Variants in NCDN observed in about 807,000 individuals in gnomAD.
NCDN encodes norbin.
In NCDN, 9 loss-of-function variants were observed where a neutral mutation model predicts 60.7. That is an observed-to-expected ratio of 0.15 (90% confidence interval 0.09 to 0.26). NCDN has a LOEUF of 0.26. Among genes scored for constraint, NCDN ranks in the 10% least tolerant of loss-of-function variants. NCDN has a pLI of 1.00. For synonymous variants in NCDN, 409 were observed against 442.5 expected, an observed-to-expected ratio of 0.92 and a Z score of 0.95; for missense variants, 578 against 975.2, an observed-to-expected ratio of 0.59 and a Z score of 5.42.
In NCDN at chr1:35,561,265, A is replaced by G. The variant is rs750301464; in HGVS notation, c.1114A>G (p.Ile372Val). 4.4e-6 allele frequency: 7 copies of G among 1,604,456 alleles called. No homozygotes were observed. The highest frequency in any genetic ancestry group is 1.7e-4 in the Middle Eastern group (1 of 6,004). ...GCTCGTGAGCGTCATGAAGGAGGCC[A>G]TAGGGGCTGTTATCCACTACCTGCT... ...VQLVSVMKEA[I>V]GAVIHYLLQV... is the part of the protein sequence containing the mutation. Residue 372 changes from isoleucine to valine, a missense_variant, in exon 3 of 7, where the codon ATA becomes GTA. Ile to Val is a conservative substitution (Grantham distance 29, BLOSUM62 3). Transcript: ENST00000373243. This position sits in a 1 kb window ranked among gnomAD's most constrained non-coding sequence, Gnocchi z 4.9.
chr1:35,562,345 G>T lies in NCDN; in HGVS notation c.1144-47G>T, dbSNP rs761830692. The T allele has an allele frequency of 6.3e-7, 1 of 1,593,862 alleles. No individual in the cohort carries two copies. Among genetic ancestry groups the T allele is most frequent in the African/African-American group, 1.3e-5 (1 of 74,492 alleles). Reference sequence around the variant, plus strand: ...GCTGGCTGGCCTCTGGCAAGGCAGGGAGGGTCCCTGGTCCTGCTCCATCTC... The same window carrying T: ...GCTGGCTGGCCTCTGGCAAGGCAGGTAGGGTCCCTGGTCCTGCTCCATCTC... On this transcript the variant is annotated intron_variant, in intron 3 of 6. Transcript: ENST00000373243. This position sits in a 1 kb window ranked among gnomAD's most constrained non-coding sequence, Gnocchi z 6.8.
At chr1:35,564,580 A>T (rs1299383737) in intron 6 of NCDN, among the ~76,000 whole-genome samples, 1 of 152,180 alleles carries the variant, frequency 6.6e-6, no homozygotes, top group Non-Finnish European at 1.5e-5. Flanking sequence ...AGGGGTTCCC[A>T]GCAGGGTACC....
Position 35,561,328 on chromosome 1 carries a change from T to G in NCDN, c.1143+34T>G. 6.5e-7 allele frequency: 1 copy of G among 1,539,158 alleles called. No homozygotes were observed. Among genetic ancestry groups the G allele is most frequent in the Admixed American group, 1.9e-5 (1 of 53,688 alleles). On this transcript the variant is annotated intron_variant, in intron 3 of 6. Transcript: ENST00000373243. This position sits in a 1 kb window ranked among gnomAD's most constrained non-coding sequence, Gnocchi z 4.9. ...GCAGTGACCCACAGAGGGGGCCCAG[T>G]ATGGGGGGAGCCAGTGCTGGAGCTG...
rs1361268420 is a variant in NCDN at position 35,565,038 on chromosome 1, G to GA, written c.1754-186dup. Among the ~76,000 whole-genome samples, 1 of 152,138 alleles carries GA rather than the reference G, an allele frequency of 6.6e-6. No individual in the cohort carries two copies. Among genetic ancestry groups the GA allele is most frequent in the Non-Finnish European group, 1.5e-5 (1 of 68,018 alleles). The stretch of plus-strand genomic sequence containing the variant: ...ACTATTGGCCCATTTTACAAGTAAA[G>GA]AAACAGACCCAGAAAAGTTAATTAC... On this transcript the variant is annotated intron_variant, in intron 6 of 6. Coordinates refer to ENST00000373243, the MANE Select transcript of NCDN (RefSeq NM_014284.3). This position sits in a 1 kb window ranked among gnomAD's most constrained non-coding sequence, Gnocchi z 8.9.
Position 35,565,625 on chromosome 1 carries a change from C to G in NCDN, c.2152C>G (p.Arg718Gly). The G allele has an allele frequency of 6.4e-7, 1 of 1,561,030 alleles. No individual in the cohort carries two copies. The highest frequency in any genetic ancestry group is 1.2e-5 in the South Asian group (1 of 86,210). Residue 718 changes from arginine to glycine, a missense_variant, in exon 7 of 7, where the codon CGC (arginine) becomes GGC (glycine). Arg to Gly is a moderately radical substitution (Grantham distance 125). Transcript: ENST00000373243. This position sits in a 1 kb window ranked among gnomAD's most constrained non-coding sequence, Gnocchi z 8.9. ...GGGCGAGGAGACGGCCAGCCACTACCGCATGGCTGCCTTGGAGCAGTGCCT... is the reference window on the plus strand; with the variant it reads ...GGGCGAGGAGACGGCCAGCCACTACGGCATGGCTGCCTTGGAGCAGTGCCT... ...QAGEETASHY[R>G]MAALEQCLSE...
At position 35,565,178 on chromosome 1, in the gene NCDN, A is replaced by G. The variant is rs1648831915; in HGVS notation, c.1754-49A>G. 6.5e-7 allele frequency: 1 copy of G among 1,543,612 alleles called. No individual in the cohort carries two copies. The highest frequency in any genetic ancestry group is 8.8e-7 in the Non-Finnish European group (1 of 1,134,914). On this transcript the variant is annotated intron_variant, in intron 6 of 6. Transcript: ENST00000373243. This position sits in a 1 kb window ranked among gnomAD's most constrained non-coding sequence, Gnocchi z 8.9. ...AGAGGACTAGGGAAGGGTCTGACAC[A>G]GCAGCTGGCCTGTCCGATTCATGCC...
Position 35,563,179 on chromosome 1 carries a change from G to T in NCDN, c.1386-23G>T, listed in dbSNP as rs959370734. 1 of 1,602,400 alleles carries T rather than the reference G, an allele frequency of 6.2e-7. No individual in the cohort carries two copies. On this transcript the variant is annotated intron_variant, in intron 4 of 6. Coordinates refer to ENST00000373243, the MANE Select transcript of NCDN (RefSeq NM_014284.3). The surrounding 1 kb of genome is among the most constrained non-coding windows in gnomAD (Gnocchi z 6.6). ...CTTCATCTCTCCCAATCCCACACAC[G>T]TCTGTCCCTTCCACATCCCCAGGCT...
chr1:35,563,136 A>G lies in NCDN; in HGVS notation c.1386-66A>G, dbSNP rs1648757817. 1 of 1,430,718 alleles carries G rather than the reference A, an allele frequency of 7.0e-7. No individual in the cohort carries two copies. The highest frequency in any genetic ancestry group is 1.4e-5 in the African/African-American group (1 of 70,216). 88.6% of individuals were successfully genotyped at this position (1,430,718 alleles called of 1,614,324 possible). Reference sequence around the variant, plus strand: ...CATTTCTCTTAGGCAAGGTGCCCTAAAAAGGGAATCTATGTGCCTTCATCT... The same window carrying G: ...CATTTCTCTTAGGCAAGGTGCCCTAGAAAGGGAATCTATGTGCCTTCATCT... On this transcript the variant is annotated intron_variant, in intron 4 of 6. Coordinates refer to ENST00000373243, the MANE Select transcript of NCDN (RefSeq NM_014284.3). The surrounding 1 kb of genome is among the most constrained non-coding windows in gnomAD (Gnocchi z 6.6).
At position 35,563,154 on chromosome 1, in the gene NCDN, C is replaced by A; in HGVS notation, c.1386-48C>A. ...TGCCCTAAAAAGGGAATCTATGTGC[C>A]TTCATCTCTCCCAATCCCACACACG... is the stretch of plus-strand genomic sequence containing the variant. On this transcript the variant is annotated intron_variant, in intron 4 of 6. Transcript: ENST00000373243. The surrounding 1 kb of genome is among the most constrained non-coding windows in gnomAD (Gnocchi z 6.6). The A allele has an allele frequency of 6.5e-7, 1 of 1,535,302 alleles. No homozygotes were observed. The highest frequency in any genetic ancestry group is 8.8e-7 in the Non-Finnish European group (1 of 1,129,976).
In NCDN at chr1:35,562,770, T is replaced by G; in HGVS notation, c.1385+137T>G. The stretch of plus-strand genomic sequence containing the variant: ...AGATATCCCTTAGGGTTATTTCTGT[T>G]TTGGGGGGCTTGTTCCCACAGGACT... On this transcript the variant is annotated intron_variant, in intron 4 of 6. Transcript: ENST00000373243. The surrounding 1 kb of genome is among the most constrained non-coding windows in gnomAD (Gnocchi z 6.8). 7.8e-7 allele frequency: 1 copy of G among 1,278,846 alleles called. No homozygotes were observed. The highest frequency in any genetic ancestry group is 1.0e-6 in the Non-Finnish European group (1 of 957,156). The allele number at this position is 1,278,846 out of a possible 1,614,324, so 79.2% of individuals were successfully genotyped here.
chr1:35,561,243 C>T lies in NCDN; in HGVS notation c.1092C>T (p.Leu364=), dbSNP rs373303990. The change falls in exon 3 of 7, where the codon CTC becomes CTT. Residue 364 remains leucine (L), a synonymous_variant. Transcript: ENST00000373243. The surrounding 1 kb of genome is among the most constrained non-coding windows in gnomAD (Gnocchi z 4.9). The part of the protein sequence containing the change: ...SLLKEPQKVQ[L]VSVMKEAIGA... ...TTAAGGAGCCACAGAAGGTGCAGCT[C>T]GTGAGCGTCATGAAGGAGGCCATAG... The T allele has an allele frequency of 1.1e-5, 17 of 1,610,860 alleles. No individual in the cohort carries two copies. Among genetic ancestry groups the T allele is most frequent in the South Asian group, 4.4e-5 (4 of 90,660 alleles).
intron 2 of NCDN, 28 bp downstream of exon 2, chr1:35,559,275 TG>T (rs1351429919): frequency 6.2e-7 from 1 of 1,612,844 alleles, no homozygotes; most frequent in South Asian, 1.1e-5. Flanking sequence ...AATTGGGAGG[TG>T]GGAAGGGCTG....
rs749075480 is a variant in NCDN, at chr1:35,558,155, G to C, written c.-36G>C. 1 of 1,613,656 alleles carries C rather than the reference G, an allele frequency of 6.2e-7. No individual in the cohort carries two copies. The highest frequency in any genetic ancestry group is 8.5e-7 in the Non-Finnish European group (1 of 1,179,760). On this transcript the variant is annotated 5_prime_UTR_variant, in exon 1 of 7. Coordinates refer to ENST00000373243, the MANE Select transcript of NCDN (RefSeq NM_014284.3). The surrounding 1 kb of genome is among the most constrained non-coding windows in gnomAD (Gnocchi z 6.3). The stretch of plus-strand genomic sequence containing the variant: ...CGTGACATCACCGCGCCATCGTGAA[G>C]TGTGATCTCATCGCCGCCCTGTCGT...
At position 35,557,946 on chromosome 1, in the gene NCDN, T is replaced by TGATCGATGCCGACACA; in HGVS notation, c.-244_-229dup. On this transcript the variant is annotated 5_prime_UTR_variant, in exon 1 of 7. The change creates a new upstream start codon in the 5' untranslated region. Coordinates refer to ENST00000373243, the MANE Select transcript of NCDN (RefSeq NM_014284.3). ...AGCCGGGGCCTCTCCGAGCCGGCGC[T>TGATCGATGCCGACACA]GATCGATGCCGACACACCCCGGGGA... 1.5e-6 allele frequency: 1 copy of TGATCGATGCCGACACA among 647,498 alleles called. No individual in the cohort carries two copies. The highest frequency in any genetic ancestry group is 2.7e-6 in the Non-Finnish European group (1 of 373,280). The allele number at this position is 647,498 out of a possible 1,614,324, so 40.1% of individuals were successfully genotyped here.
Position 35,559,894 on chromosome 1 carries a change from G to A in NCDN, c.175-432G>A, listed in dbSNP as rs528251856. 4.6e-5 allele frequency among the ~76,000 whole-genome samples: 7 copies of A among 152,214 alleles called. No individual in the cohort carries two copies. The South Asian group carries it at 8.3e-4, about 18-fold the overall frequency. Reference sequence around the variant, plus strand: ...GGGGAAATGTTTTGACAGGCGGAGCGGCGAGACACAGGAGCCATTTCCCCT... The same window carrying A: ...GGGGAAATGTTTTGACAGGCGGAGCAGCGAGACACAGGAGCCATTTCCCCT... On this transcript the variant is annotated intron_variant, in intron 2 of 6. Transcript: ENST00000373243.
Position 35,558,498 on chromosome 1 carries a change from G to A in NCDN, c.33+275G>A. 4 of 1,389,140 alleles carry A rather than the reference G, an allele frequency of 2.9e-6. No individual in the cohort carries two copies. The highest frequency in any genetic ancestry group is 3.7e-6 in the Non-Finnish European group (4 of 1,073,912). 86.1% of individuals were successfully genotyped at this position (1,389,140 alleles called of 1,614,324 possible). ...AAAGGAGAGGAGGCAAGGAGCCTGC[G>A]GGGGCGACTGAGAGCCCTGGCTGGA... On this transcript the variant is annotated intron_variant, in intron 1 of 6. Transcript: ENST00000373243. The surrounding 1 kb of genome is among the most constrained non-coding windows in gnomAD (Gnocchi z 6.3).
rs1648681698 is a variant in NCDN, at chr1:35,560,956, C to T, written c.805C>T (p.Leu269=). ...TCTGCAGGCCGGGCTGGCACGCATCCTGGGAAGCAAGCTGAGCTCCTGGCA... is the reference window on the plus strand; with the variant it reads ...TCTGCAGGCCGGGCTGGCACGCATCTTGGGAAGCAAGCTGAGCTCCTGGCA... The part of the protein sequence containing the change: ...RDLQAGLARI[L]GSKLSSWQRN... Residue 269 remains leucine (L), a synonymous_variant, in exon 3 of 7, where the codon CTG becomes TTG. Coordinates refer to ENST00000373243, the MANE Select transcript of NCDN (RefSeq NM_014284.3). This position sits in a 1 kb window ranked among gnomAD's most constrained non-coding sequence, Gnocchi z 7.6. The T allele has an allele frequency of 1.2e-6, 2 of 1,612,338 alleles. No individual in the cohort carries two copies. Among genetic ancestry groups the T allele is most frequent in the African/African-American group, 2.7e-5 (2 of 74,912 alleles).
chr1:35,561,079 C>G lies in NCDN; in HGVS notation c.928C>G (p.Leu310Val), dbSNP rs1430961996. The G allele has an allele frequency of 6.2e-7, 1 of 1,613,522 alleles. No homozygotes were observed. The highest frequency in any genetic ancestry group is 8.5e-7 in the Non-Finnish European group (1 of 1,179,772). The change falls in exon 3 of 7, where the codon CTG becomes GTG. Residue 310 changes from leucine to valine, a missense_variant. By Grantham distance (32) the Leu-to-Val change is conservative. This residue lies in a region of NCDN where 363 missense variants were observed against 583.6 expected (regional missense o/e 0.62). Transcript: ENST00000373243. The surrounding 1 kb of genome is among the most constrained non-coding windows in gnomAD (Gnocchi z 4.9). ...GSSGSKFLAL[L>V]VNLACVEVRL... ...CTCCGGGAGCAAGTTCCTGGCCCTG[C>G]TGGTGAATCTGGCGTGCGTGGAAGT... is the stretch of plus-strand genomic sequence containing the variant.
At position 35,565,364 on chromosome 1, in the gene NCDN, G is replaced by A; in HGVS notation, c.1891G>A (p.Ala631Thr). The A allele has an allele frequency of 1.2e-6, 2 of 1,613,614 alleles. No individual in the cohort carries two copies. Among genetic ancestry groups the A allele is most frequent in the Non-Finnish European group, 1.7e-6 (2 of 1,179,656 alleles). The change falls in exon 7 of 7, where the codon GCC (alanine) becomes ACC (threonine). Residue 631 changes from alanine to threonine, a missense_variant. Physicochemically the swap from Ala to Thr is moderately conservative, Grantham distance 58. Coordinates refer to ENST00000373243, the MANE Select transcript of NCDN (RefSeq NM_014284.3). This position sits in a 1 kb window ranked among gnomAD's most constrained non-coding sequence, Gnocchi z 8.9. ...ALSPEYEGIW[A>T]DLQELWFLGM... ...GTCCCCTGAGTATGAGGGCATCTGGGCCGACCTGCAGGAGCTCTGGTTCCT... is the reference window on the plus strand; with the variant it reads ...GTCCCCTGAGTATGAGGGCATCTGGACCGACCTGCAGGAGCTCTGGTTCCT...
Sources: allele counts gnomAD v4.1 joint callset (sites outside exome capture counted in the v4.1 genomes callset), GRCh38; gene constraint gnomAD v4.1.1; regional missense constraint gnomAD v4.1.1; non-coding constraint Gnocchi (gnomAD v3.1); transcripts MANE v1.5; gene names NCBI Gene and HGNC (gene_info 2026-07-23, HGNC 2026-07-21).